PCDH15: variants seen among roughly 807,000 people sequenced by gnomAD.
The protein encoded by PCDH15 is protocadherin-15.
In PCDH15, 129 loss-of-function variants were observed where a neutral mutation model predicts 178.5. The ratio of observed to expected loss-of-function variants is 0.72; its 90% CI spans 0.63 to 0.84. The LOEUF is 0.84. PCDH15 is among the 40% of genes least tolerant of loss of function. The pLI is 0.00. For synonymous variants in PCDH15, 800 were observed against 732.0 expected (o/e 1.09, Z -1.50); for missense variants, 2,230 against 2,099.9 (o/e 1.06, Z -1.21).
In PCDH15 at chr10:55,044,300, T is replaced by C. The variant is rs564790245; in HGVS notation, c.-80+122276A>G. Among the ~76,000 whole-genome samples the C allele has an allele frequency of 3.3e-5, 5 of 152,286 alleles. No homozygotes were observed. In the South Asian group the frequency reaches 8.3e-4, roughly 25 times the overall value. ...TAAGTTTACAAATCTATTCTGTGTATGCAGTTATGTCACAAAAGTAAACAT... is the reference window on the plus strand; with the variant it reads ...TAAGTTTACAAATCTATTCTGTGTACGCAGTTATGTCACAAAAGTAAACAT... On this transcript the variant is annotated intron_variant, in intron 2 of 5. Transcript: ENST00000458638.
At chr10:55,381,946 C>T (rs1837543210) in intron 2 of PCDH15, among the ~76,000 whole-genome samples, 1 of 151,900 alleles carries the variant, frequency 6.6e-6, no homozygotes, top group Admixed American at 6.6e-5. Context: ...AGAAGTCAGC[C>T]CTTGAAAAGT....
At chr10:54,949,258 C>T (rs1034382393) in intron 2 of PCDH15, among the ~76,000 whole-genome samples, 4 of 151,882 alleles carry the variant, frequency 2.6e-5, no homozygotes, top group African/African-American at 7.3e-5. Context: ...GCTCAGGAAA[C>T]TCATGATTAT....
intron 3 of PCDH15, among the ~76,000 whole-genome samples, chr10:54,395,632 A>C (rs1951111660): frequency 6.6e-6 from 1 of 151,312 alleles, no homozygotes; most frequent in Non-Finnish European, 1.5e-5. Context: ...TGATGACATT[A>C]AGTTTATACA....
intron 10 of PCDH15, 115 bp from the exon 11 acceptor site, chr10:54,196,004 G>A: frequency 5.6e-6 from 5 of 885,688 alleles, no homozygotes; most frequent in Admixed American, 4.7e-5. Context: ...CATCACATAA[G>A]GAAAAAATAC....
intron 8 of PCDH15, among the ~76,000 whole-genome samples, chr10:54,240,066 A>G (rs71491001): frequency 2.2e-3 from 341 of 152,306 alleles, no homozygotes; most frequent in Non-Finnish European, 3.0e-3. Flanking sequence ...ATTAATTAGA[A>G]GAAACAACAT....
chr10:55,313,642 C>T (rs201998271), intron 1 of PCDH15, among the ~76,000 whole-genome samples: 12 of 152,036 alleles, frequency 7.9e-5, no homozygotes, highest in East Asian at 7.7e-4. Flanking sequence ...TAAATAGTTC[C>T]GTCTTCACAT....
chr10:55,423,736 A>C (rs984282948), intron 2 of PCDH15, among the ~76,000 whole-genome samples: 7 of 152,118 alleles, frequency 4.6e-5, no homozygotes, highest in Non-Finnish European at 8.8e-5. Context: ...CTTGATGTGC[A>C]GCAGGGGCAG....
chr10:53,840,347 C>A lies in PCDH15; in HGVS notation c.3956G>T (p.Arg1319Ile), dbSNP rs1349339665. 2 of 1,614,150 alleles carry A rather than the reference C, an allele frequency of 1.2e-6. No individual in the cohort carries two copies. Among genetic ancestry groups the A allele is most frequent in the East Asian group, 2.2e-5 (1 of 44,882 alleles). The part of the protein sequence containing the change: ...TVYAIDPQTN[R>I]AIDRNELFKF... ...AAAAAGCTCATTTCTATCGATGGCT[C>A]TGTTGGTTTGGGGGTCAATTGCATA... Residue 1319 changes from arginine to isoleucine, a missense_variant, in exon 29 of 38, where the codon AGA becomes ATA. By Grantham distance (97) the Arg-to-Ile change is moderately conservative (BLOSUM62 -3). Coordinates refer to ENST00000644397, the MANE Select transcript of PCDH15 (RefSeq NM_001384140.1).
chr10:55,372,963 T>C (rs1207617390), intron 2 of PCDH15, among the ~76,000 whole-genome samples: 1 of 152,144 alleles, frequency 6.6e-6, no homozygotes, highest in East Asian at 1.9e-4. Context: ...TAATACACCA[T>C]GATATTTTTA....
chr10:53,875,803 A>AT (rs1195547822), intron 26 of PCDH15, among the ~76,000 whole-genome samples: 2 of 152,136 alleles, frequency 1.3e-5, no homozygotes, highest in Non-Finnish European at 1.5e-5. Context: ...TCACCAAATA[A>AT]TTGCCTCTAT....
intron 4 of PCDH15, among the ~76,000 whole-genome samples, chr10:54,371,991 A>C (rs574364846): frequency 6.6e-6 from 1 of 151,994 alleles, no homozygotes; most frequent in Admixed American, 6.6e-5. Flanking sequence ...AGCTCTTAGA[A>C]GTTTCCTGGA....
intron 13 of PCDH15, among the ~76,000 whole-genome samples, chr10:54,168,527 G>C (rs2046508370): frequency 6.6e-6 from 1 of 151,764 alleles, no homozygotes; most frequent in South Asian, 2.1e-4. Flanking sequence ...CTCACACCTG[G>C]TCGGGCTTAC....
chr10:54,262,059 C>A (rs2057351994), intron 8 of PCDH15, among the ~76,000 whole-genome samples: 1 of 152,088 alleles, frequency 6.6e-6, no homozygotes. Flanking sequence ...CACTACATAC[C>A]CACAATGTAC....
At chr10:55,423,089 G>A (rs2132047768) in intron 2 of PCDH15, among the ~76,000 whole-genome samples, 1 of 151,906 alleles carries the variant, frequency 6.6e-6, no homozygotes, top group East Asian at 1.9e-4. Context: ...ACTCATAAAT[G>A]TGATCCCTAA....
rs188518925 is a variant in PCDH15 at position 55,398,220 on chromosome 10, A to T, written c.-156+229405T>A. Among the ~76,000 whole-genome samples the T allele has an allele frequency of 1.5e-3, 221 of 152,212 alleles. 1 individual carries two copies. Among genetic ancestry groups the T allele is most frequent in the African/African-American group, 4.8e-3 (201 of 41,542 alleles). On this transcript the variant is annotated intron_variant, in intron 2 of 5. Transcript: ENST00000613346. Reference sequence around the variant, plus strand: ...TTCCCTTCTTTGTTGTAACACTTGAAAAATGAGTGACTAGCTCAGCAGGGA... The same window carrying T: ...TTCCCTTCTTTGTTGTAACACTTGATAAATGAGTGACTAGCTCAGCAGGGA...
chr10:54,288,195 C>T (rs2059159053), intron 8 of PCDH15, among the ~76,000 whole-genome samples: 1 of 152,040 alleles, frequency 6.6e-6, no homozygotes. Context: ...GGTGGAGTGT[C>T]TGTAGTCTCA....
At chr10:54,504,722 TAC>T (rs1405075786) in intron 3 of PCDH15, among the ~76,000 whole-genome samples, 2 of 152,146 alleles carry the variant, frequency 1.3e-5, no homozygotes, top group Non-Finnish European at 2.9e-5. Context: ...TATACATATA[TAC>T]ATATATAAAT....
chr10:54,534,902 T>C (rs962863267), intron 2 of PCDH15, among the ~76,000 whole-genome samples: 1 of 152,220 alleles, frequency 6.6e-6, no homozygotes, highest in Admixed American at 6.5e-5. Context: ...AAAGAAAAAG[T>C]TTGATCTTGA....
chr10:54,010,668 T>G (rs189829747), intron 20 of PCDH15, among the ~76,000 whole-genome samples: 159 of 152,038 alleles, frequency 1.0e-3, no homozygotes, highest in African/African-American at 3.8e-3. Context: ...ATCCACAACC[T>G]CTCTGTGACT....
Sources: allele counts gnomAD v4.1 joint callset (sites outside exome capture counted in the v4.1 genomes callset), GRCh38; gene constraint gnomAD v4.1.1; transcripts MANE v1.5; gene names NCBI Gene and HGNC (gene_info 2026-07-23, HGNC 2026-07-21).